UPRT: variants seen among roughly 807,000 people sequenced by gnomAD.
UPRT encodes uracil phosphoribosyltransferase homolog, also known as RP11-311P8.3.
UPRT carries 5 observed loss-of-function variants against 22.6 expected under a neutral mutation model. That is an observed-to-expected ratio of 0.22 (90% CI 0.12 to 0.47). UPRT has a LOEUF of 0.47. UPRT is among the 20% of genes least tolerant of loss of function. The pLI, the probability that UPRT is intolerant of heterozygous loss-of-function variation, is 0.99. For synonymous variants in UPRT, 77 were observed against 87.7 expected (o/e 0.88, Z 0.68); for missense variants, 181 against 239.9 (o/e 0.75, Z 1.62).
At chrX:75,233,541 G>T (rs867817544) in intron 4 of UPRT, among the ~76,000 whole-genome samples, 1 of 110,220 alleles carries the variant, frequency 9.1e-6, no homozygotes, top group Non-Finnish European at 1.9e-5. Flanking sequence ...AGAGAGAAAG[G>T]TCGGGTTACC....
intron 4 of UPRT, among the ~76,000 whole-genome samples, chrX:75,229,097 ACT>A (rs2082430786): frequency 8.9e-6 from 1 of 111,908 alleles, no homozygotes; most frequent in Non-Finnish European, 1.9e-5. Context: ...CATATGGTTG[ACT>A]ATAGTTAATA....
At position 75,170,150 on chromosome X, in the gene UPRT, C is replaced by T. The variant is rs189876752; in HGVS notation, c.-447+2271C>T. Reference sequence around the variant, plus strand: ...CTCCCGGGTTCAAGCGATTCTCCTGCCTCAGCCTCCCTAGTAGCTGGGACT... The same window carrying T: ...CTCCCGGGTTCAAGCGATTCTCCTGTCTCAGCCTCCCTAGTAGCTGGGACT... On this transcript the variant is annotated intron_variant, in intron 4 of 13. Coordinates refer to the UPRT transcript ENST00000652605. 4.6e-5 allele frequency among the ~76,000 whole-genome samples: 5 copies of T among 108,867 alleles called. No homozygotes were observed. In the East Asian group the frequency reaches 1.4e-3, roughly 31 times the overall value. 94.5% of individuals were successfully genotyped at this position (108,867 alleles called of 115,157 possible). A position where few individuals can be genotyped will look rare whatever the true frequency, so the allele number is the denominator to read the frequency against.
chrX:75,168,024 A>G (rs1485615135), intron 4 of UPRT, among the ~76,000 whole-genome samples: 1 of 112,339 alleles, frequency 8.9e-6, no homozygotes, highest in Admixed American at 9.4e-5. Context: ...TAAATGAAAT[A>G]ATTAGCAAGT....
At chrX:75,205,498 T>C (rs1602453139) in intron 4 of UPRT, among the ~76,000 whole-genome samples, 1 of 107,161 alleles carries the variant, frequency 9.3e-6, no homozygotes, top group African/African-American at 3.5e-5. Context: ...TTAAGCACAA[T>C]GAGGTTGGTC....
Position 75,188,685 on chromosome X carries a change from C to T in UPRT, c.-447+20806C>T, listed in dbSNP as rs181696529. ...CTAGCAATCAGCGAGACTTCGTGGG[C>T]GTAGGACCCTCCGAACCATGTGTGG... is the stretch of plus-strand genomic sequence containing the variant. On this transcript the variant is annotated intron_variant, in intron 4 of 13. Coordinates refer to the UPRT transcript ENST00000652605. Among the ~76,000 whole-genome samples the T allele has an allele frequency of 6.5e-4, 73 of 112,672 alleles. 1 individual carries two copies. Among genetic ancestry groups the T allele is most frequent in the African/African-American group, 2.1e-3 (66 of 31,071 alleles).
At chrX:75,235,718 G>T (rs2082459748) in intron 4 of UPRT, among the ~76,000 whole-genome samples, 1 of 111,747 alleles carries the variant, frequency 8.9e-6, no homozygotes, top group Non-Finnish European at 1.9e-5. Flanking sequence ...CTCAATAGAT[G>T]CAGAAAAGGC....
At chrX:75,238,067 A>G (rs183695119) in intron 4 of UPRT, among the ~76,000 whole-genome samples, 210 of 111,668 alleles carry the variant, frequency 1.9e-3, no homozygotes, top group Non-Finnish European at 3.3e-3. Flanking sequence ...CAATAATACA[A>G]TAAGAAAAAC....
At chrX:75,244,957 G>C (rs1336787863) in intron 4 of UPRT, among the ~76,000 whole-genome samples, 1 of 111,050 alleles carries the variant, frequency 9.0e-6, no homozygotes, top group Non-Finnish European at 1.9e-5. Context: ...CTTCTGCACA[G>C]CAAAAGAAAC....
chrX:75,275,883 T>A (rs1449378009), intron 1 of UPRT, among the ~76,000 whole-genome samples: 1 of 111,037 alleles, frequency 9.0e-6, no homozygotes, highest in Non-Finnish European at 1.9e-5. Context: ...GCTAATTTTT[T>A]ATTTTTTTGT....
intron 4 of UPRT, among the ~76,000 whole-genome samples, chrX:75,250,654 C>A (rs1018644106): frequency 2.7e-5 from 3 of 111,212 alleles, no homozygotes; most frequent in African/African-American, 9.8e-5. Flanking sequence ...TGGTACCATT[C>A]CTTCTGAAAC....
intron 4 of UPRT, among the ~76,000 whole-genome samples, chrX:75,169,115 C>T (rs1261668404): frequency 1.8e-5 from 2 of 111,836 alleles, no homozygotes; most frequent in African/African-American, 3.3e-5. Context: ...TAATTCGTTC[C>T]GTTTTATGGT....
intron 4 of UPRT, among the ~76,000 whole-genome samples, chrX:75,252,018 G>C (rs1353364973): frequency 1.8e-5 from 2 of 112,333 alleles, no homozygotes; most frequent in African/African-American, 3.2e-5. Flanking sequence ...GATGTAGAAA[G>C]CTGAAACTGC....
At chrX:75,247,804 C>T (rs774920631) in intron 4 of UPRT, among the ~76,000 whole-genome samples, 18 of 112,218 alleles carry the variant, frequency 1.6e-4, no homozygotes, top group African/African-American at 5.5e-4. Flanking sequence ...CCCGAGTAGC[C>T]TAACTAGGAG....
intron 1 of UPRT, among the ~76,000 whole-genome samples, chrX:75,281,938 T>G (rs1227107302): frequency 2.7e-5 from 3 of 111,591 alleles, no homozygotes; most frequent in Non-Finnish European, 5.7e-5. Context: ...CATTTCAGTC[T>G]TGCTGGTTGT....
chrX:75,191,632 C>T (rs2082315564), intron 4 of UPRT, among the ~76,000 whole-genome samples: 1 of 112,271 alleles, frequency 8.9e-6, no homozygotes, highest in South Asian at 3.7e-4. Flanking sequence ...TTCCTGGCCG[C>T]TTTGTTTACC....
chrX:75,244,394 T>G (rs954836197), intron 4 of UPRT, among the ~76,000 whole-genome samples: 1 of 112,194 alleles, frequency 8.9e-6, no homozygotes, highest in Non-Finnish European at 1.9e-5. Context: ...AATGACATTC[T>G]TTACAGAAAT....
intron 4 of UPRT, among the ~76,000 whole-genome samples, chrX:75,224,756 G>A (rs183883899): frequency 5.4e-4 from 60 of 111,697 alleles, no homozygotes; most frequent in Non-Finnish European, 9.4e-4. Flanking sequence ...GTTCTCTCCT[G>A]CATACTTACT....
chrX:75,207,773 C>G (rs771362465), intron 4 of UPRT, among the ~76,000 whole-genome samples: 2 of 111,299 alleles, frequency 1.8e-5, no homozygotes, highest in South Asian at 3.9e-4. Context: ...GGGTGGCCAG[C>G]CTTGGATGAC....
intron 4 of UPRT, among the ~76,000 whole-genome samples, chrX:75,267,003 G>T (rs2082591178): frequency 9.0e-6 from 1 of 111,378 alleles, no homozygotes; most frequent in Non-Finnish European, 1.9e-5. Flanking sequence ...CTGTAAACTG[G>T]TTCAATCATT....
Sources: gnomAD v4.1 joint callset for allele counts (sites outside exome capture counted in the v4.1 genomes callset) on GRCh38, gnomAD v4.1.1 for gene constraint, MANE v1.5 for transcripts, NCBI Gene and HGNC (gene_info 2026-07-23, HGNC 2026-07-21) for gene names.